The following BIRC6 variants were observed in gnomAD, a reference collection of about 807,000 sequenced individuals.
The protein encoded by BIRC6 is baculoviral IAP repeat containing 6, also known as dual E2 ubiquitin-conjugating enzyme/E3 ubiquitin-protein ligase BIRC6.
Under a neutral mutation model 503.3 loss-of-function variants are expected in BIRC6, and 98 were observed. The ratio of observed to expected loss-of-function variants is 0.19; its 90% confidence interval spans 0.17 to 0.23. The LOEUF (loss-of-function observed/expected upper bound fraction) is 0.23. Among genes scored for constraint, BIRC6 ranks in the 10% least tolerant of loss-of-function variants. The pLI is 1.00. For missense variants in BIRC6, 5,360 were observed against 5,806.0 expected (o/e 0.92, Z 2.50); for synonymous variants, 2,240 against 2,078.7 (o/e 1.08, Z -2.11).
intron 65 of BIRC6, among the ~76,000 whole-genome samples, chr2:32,574,305 T>C (rs1202551040): frequency 2.6e-5 from 4 of 151,752 alleles, no homozygotes; most frequent in African/African-American, 4.8e-5. Context: ...TTTGTAGAGA[T>C]GGAAGTTTTA....
intron 53 of BIRC6, among the ~76,000 whole-genome samples, chr2:32,511,544 A>G: frequency 7.8e-6 from 1 of 128,946 alleles, no homozygotes; most frequent in East Asian, 2.3e-4. Context: ...GTTAGTCAGG[A>G]TGGTCTCAAT....
intron 15 of BIRC6, among the ~76,000 whole-genome samples, chr2:32,437,697 C>G (rs981886659): frequency 2.6e-5 from 4 of 152,070 alleles, no homozygotes; most frequent in Non-Finnish European, 5.9e-5. Flanking sequence ...TGAGCATTTC[C>G]TTTTAGCATC....
intron 21 of BIRC6, 94 bp from the exon 22 acceptor site, chr2:32,448,701 G>A (rs1574288106): frequency 8.9e-6 from 10 of 1,121,546 alleles, no homozygotes; most frequent in South Asian, 7.7e-5. Flanking sequence ...AGCCCTCTGC[G>A]CTGTTAGTCA....
Position 32,449,985 on chromosome 2 carries a change from C to T in BIRC6, c.4618+1057C>T, listed in dbSNP as rs1255036602. ...TGTCTTCTCTATCCAAGTGATGCATCAATTAGACCATTGTAATTTATGATT... is the reference window on the plus strand; with the variant it reads ...TGTCTTCTCTATCCAAGTGATGCATTAATTAGACCATTGTAATTTATGATT... On this transcript the variant is annotated intron_variant, in intron 22 of 73. Transcript: ENST00000421745. Among the ~76,000 whole-genome samples, 3 of 152,252 alleles carry T rather than the reference C, an allele frequency of 2.0e-5. 1 individual carries two copies. Among genetic ancestry groups the T allele is most frequent in the East Asian group, 1.9e-4 (1 of 5,182 alleles).
rs1207461307 is a variant in BIRC6 at position 32,406,500 on chromosome 2, G to A, written c.1420G>A (p.Asp474Asn). The change falls in exon 9 of 74, where the codon GAT (aspartate) becomes AAT (asparagine). Residue 474 changes from aspartate (D) to asparagine (N), a missense_variant and splice_region_variant. Coordinates refer to ENST00000421745, the MANE Select transcript of BIRC6 (RefSeq NM_016252.4). ...GTTTACTTTGTTTTTTGATTTAAGT[G>A]ATGATTTACTGGAGGATTCAGACAG... ...SDIPKLEGDS[D>N]DLLEDSDSEE... 6.2e-7 allele frequency: 1 copy of A among 1,605,616 alleles called. No homozygotes were observed. Among genetic ancestry groups the A allele is most frequent in the Non-Finnish European group, 8.5e-7 (1 of 1,174,294 alleles).
intron 68 of BIRC6, among the ~76,000 whole-genome samples, chr2:32,597,464 G>C (rs941111042): frequency 3.9e-5 from 6 of 152,092 alleles, no homozygotes; most frequent in Admixed American, 3.3e-4. Flanking sequence ...TTCCCACTGG[G>C]CATAGTAATG....
chr2:32,541,490 AT>A (rs1439773025), intron 61 of BIRC6, among the ~76,000 whole-genome samples: 2 of 152,124 alleles, frequency 1.3e-5, no homozygotes, highest in Admixed American at 6.5e-5. Context: ...TAGTGAACTA[AT>A]CACAGAGTTA....
intron 1 of BIRC6, among the ~76,000 whole-genome samples, chr2:32,363,472 C>G (rs527961804): frequency 7.1e-4 from 108 of 152,162 alleles, no homozygotes; most frequent in African/African-American, 2.5e-3. Flanking sequence ...CAGAACCCAT[C>G]TAGATTTTGC....
chr2:32,585,068 G>T (rs373966027), intron 66 of BIRC6, among the ~76,000 whole-genome samples: 1 of 152,102 alleles, frequency 6.6e-6, no homozygotes, highest in South Asian at 2.1e-4. Context: ...TATTTTTGGG[G>T]TTTAGGCCTA....
Position 32,445,534 on chromosome 2 carries a change from G to T in BIRC6, c.4350G>T (p.Trp1450Cys), listed in dbSNP as rs2045864546. ...TATTGTTTCCAGGTTCTGTCTATTG[G>T]TATTTTGTCTTACTGAATTATGTGA... Reference protein sequence around the residue: ...PAATTGGSVYWYFVLLNYVKD... With the variant: ...PAATTGGSVYCYFVLLNYVKD... The change falls in exon 21 of 74, where the codon TGG becomes TGT. Residue 1450 changes from tryptophan (W) to cysteine (C), a missense_variant. Trp to Cys is a radical substitution (Grantham distance 215). Coordinates refer to ENST00000421745, the MANE Select transcript of BIRC6 (RefSeq NM_016252.4). 1.3e-6 allele frequency: 2 copies of T among 1,579,790 alleles called. No individual in the cohort carries two copies. Among genetic ancestry groups the T allele is most frequent in the Non-Finnish European group, 1.7e-6 (2 of 1,163,968 alleles).
In BIRC6 at chr2:32,514,568, A is replaced by G. The variant is rs987082714; in HGVS notation, c.10569-422A>G. On this transcript the variant is annotated intron_variant, in intron 54 of 73. Transcript: ENST00000421745. ...TTGGCCTTAGCGATTGGCATAATCC[A>G]TGACTTAATTACTGAGCCTCACTGG... 4.6e-5 allele frequency among the ~76,000 whole-genome samples: 7 copies of G among 152,354 alleles called. No homozygotes were observed. In the South Asian group the frequency reaches 1.4e-3, roughly 32 times the overall value.
chr2:32,493,193 T>C (rs1282649253), intron 44 of BIRC6, among the ~76,000 whole-genome samples: 2 of 152,050 alleles, frequency 1.3e-5, no homozygotes, highest in Non-Finnish European at 2.9e-5. Context: ...AAGAAGGTTA[T>C]TTGTGAAAAT....
At chr2:32,437,696 C>A (rs977338794) in intron 15 of BIRC6, among the ~76,000 whole-genome samples, 1 of 152,130 alleles carries the variant, frequency 6.6e-6, no homozygotes, top group Non-Finnish European at 1.5e-5. Flanking sequence ...ATGAGCATTT[C>A]CTTTTAGCAT....
At chr2:32,460,555 G>A (rs548389396) in intron 23 of BIRC6, among the ~76,000 whole-genome samples, 3 of 151,818 alleles carry the variant, frequency 2.0e-5, no homozygotes, top group Non-Finnish European at 4.4e-5. Context: ...GGGATTGCAG[G>A]CATCAGGCAC....
intron 10 of BIRC6, among the ~76,000 whole-genome samples, chr2:32,418,715 A>G (rs528894921): frequency 2.1e-4 from 32 of 152,346 alleles, no homozygotes; most frequent in South Asian, 1.7e-3. Context: ...TTGATGAGCT[A>G]TGCTTTAGGT....
rs553349938 is a variant in BIRC6 at position 32,443,060 on chromosome 2, G to A, written c.4239-431G>A. On this transcript the variant is annotated intron_variant, in intron 19 of 73. Coordinates refer to ENST00000421745, the MANE Select transcript of BIRC6 (RefSeq NM_016252.4). ...CAATAACTACTAATAAAATAGAACAGTTATAATAATATACTATGATAAAAG... is the reference window on the plus strand; with the variant it reads ...CAATAACTACTAATAAAATAGAACAATTATAATAATATACTATGATAAAAG... Among the ~76,000 whole-genome samples, 4 of 152,196 alleles carry A rather than the reference G, an allele frequency of 2.6e-5. No individual in the cohort carries two copies. In the East Asian group the frequency reaches 7.7e-4, roughly 29 times the overall value.
intron 1 of BIRC6, among the ~76,000 whole-genome samples, chr2:32,370,802 T>A (rs1293480452): frequency 6.6e-6 from 1 of 152,174 alleles, no homozygotes; most frequent in African/African-American, 2.4e-5. Flanking sequence ...GAATGATCTT[T>A]GCATATAGTA....
At chr2:32,613,932 C>G (rs2063063390) in intron 73 of BIRC6, among the ~76,000 whole-genome samples, 1 of 151,956 alleles carries the variant, frequency 6.6e-6, no homozygotes, top group African/African-American at 2.4e-5. Flanking sequence ...GTCTGTAACC[C>G]TGACTTTGGC....
intron 1 of BIRC6, among the ~76,000 whole-genome samples, chr2:32,369,943 AAAATATATATATATATATATATATATAT>A (rs1448022328): frequency 2.2e-4 from 7 of 32,310 alleles, no homozygotes; most frequent in Non-Finnish European, 3.5e-4. Context: ...AAAAAAAAAA[AAAATATATATATATATATATATATATAT>A]ATATATATAT....
Sources: gnomAD v4.1 joint callset for allele counts (sites outside exome capture counted in the v4.1 genomes callset) on GRCh38, gnomAD v4.1.1 for gene constraint, MANE v1.5 for transcripts, NCBI Gene and HGNC (gene_info 2026-07-23, HGNC 2026-07-21) for gene names.